The following GLRA2 variants were observed in gnomAD, a reference collection of about 807,000 sequenced individuals.
GLRA2 encodes glycine receptor alpha 2.
Under a neutral mutation model 31.6 loss-of-function variants are expected in GLRA2, and 11 were observed. That is an observed-to-expected ratio of 0.35 (90% CI 0.22 to 0.58). The LOEUF (loss-of-function observed/expected upper bound fraction) is 0.58. GLRA2 is among the 20% of genes least tolerant of loss of function. The pLI is 0.84. For missense variants in GLRA2, 212 were observed against 351.8 expected (o/e 0.60, Z 3.18); for synonymous variants, 132 against 134.0 (o/e 0.99, Z 0.10).
intron 8 of GLRA2, among the ~76,000 whole-genome samples, chrX:14,694,864 A>T (rs965804618): frequency 5.4e-5 from 6 of 111,908 alleles, no homozygotes. Flanking sequence ...GAGAAGATGA[A>T]TTGAATATGA....
At position 14,687,101 on chromosome X, in the gene GLRA2, T is replaced by C. The variant is rs190299240; in HGVS notation, c.931-3609T>C. 3.4e-3 allele frequency among the ~76,000 whole-genome samples: 387 copies of C among 112,288 alleles called. 2 individuals carry two copies. Among genetic ancestry groups the C allele is most frequent in the Non-Finnish European group, 6.5e-3 (346 of 53,272 alleles). On this transcript the variant is annotated intron_variant, in intron 7 of 8. Transcript: ENST00000218075. ...TGGATATGAAATTCTGGGTTGAAAA[T>C]TCTTTCCTTTAAGAATAGTGAATAT...
intron 7 of GLRA2, among the ~76,000 whole-genome samples, chrX:14,684,191 C>T (rs1305366294): frequency 9.0e-6 from 1 of 111,221 alleles, no homozygotes; most frequent in East Asian, 2.8e-4. Flanking sequence ...GTTTTGGTAC[C>T]AGTACCATGC....
At chrX:14,658,692 C>A (rs1233623926) in intron 7 of GLRA2, among the ~76,000 whole-genome samples, 1 of 111,702 alleles carries the variant, frequency 9.0e-6, no homozygotes, top group Non-Finnish European at 1.9e-5. Flanking sequence ...AGCTTCTTCA[C>A]ACTGGCAGTT....
intron 7 of GLRA2, among the ~76,000 whole-genome samples, chrX:14,674,636 G>A (rs2091125965): frequency 9.0e-6 from 1 of 111,731 alleles, no homozygotes; most frequent in Non-Finnish European, 1.9e-5. Flanking sequence ...AAATTCATTG[G>A]TCATTCACCT....
chrX:14,725,218 T>C (rs1383634458), intron 8 of GLRA2, among the ~76,000 whole-genome samples: 1 of 111,898 alleles, frequency 8.9e-6, no homozygotes, highest in Non-Finnish European at 1.9e-5. Flanking sequence ...CATTTATTAT[T>C]CATGTCTATT....
At chrX:14,585,065 T>A (rs1173126754) in intron 4 of GLRA2, among the ~76,000 whole-genome samples, 1 of 111,595 alleles carries the variant, frequency 9.0e-6, no homozygotes, top group East Asian at 2.8e-4. Context: ...ACAACTGTTT[T>A]GGATTAGGTG....
At chrX:14,512,496 T>A in the GLRA2 span, among the ~76,000 whole-genome samples, 1 of 111,733 alleles carries the variant, frequency 8.9e-6, no homozygotes, top group South Asian at 3.7e-4. Context: ...TGTTTGCTGA[T>A]GATATGATCA....
intron 8 of GLRA2, among the ~76,000 whole-genome samples, chrX:14,693,307 C>A (rs151151470): frequency 0.011 from 1,269 of 111,486 alleles, 13 homozygotes; most frequent in African/African-American, 0.038. Context: ...AAACACTAAC[C>A]AAATAAAGCC....
intron 2 of GLRA2, among the ~76,000 whole-genome samples, chrX:14,535,249 C>T (rs186855813): frequency 3.5e-4 from 39 of 112,078 alleles, no homozygotes; most frequent in Non-Finnish European, 6.4e-4. Flanking sequence ...CCTTGCTGCC[C>T]TGCATTGGCA....
At chrX:14,632,263 A>C (rs2090658837) in intron 7 of GLRA2, among the ~76,000 whole-genome samples, 2 of 110,858 alleles carry the variant, frequency 1.8e-5, no homozygotes, top group South Asian at 7.7e-4. Context: ...ATGGAGGGTA[A>C]ATGTGGTCCC....
chrX:14,585,665 A>G (rs1430207443), intron 4 of GLRA2, among the ~76,000 whole-genome samples: 2 of 111,785 alleles, frequency 1.8e-5, no homozygotes, highest in African/African-American at 6.5e-5. Context: ...CTCCCAGGAG[A>G]GGAAATCCAC....
At chrX:14,602,504 TG>T (rs778223133) in intron 4 of GLRA2, among the ~76,000 whole-genome samples, 41 of 110,693 alleles carry the variant, frequency 3.7e-4, no homozygotes, top group South Asian at 1.1e-3. Flanking sequence ...AGTGGTGATT[TG>T]TGAGATTTTG....
intron 8 of GLRA2, among the ~76,000 whole-genome samples, chrX:14,701,265 C>A (rs1162550692): frequency 9.0e-6 from 1 of 111,187 alleles, no homozygotes; most frequent in East Asian, 2.8e-4. Context: ...TATGTAGGGG[C>A]ATCAATGTGC....
chrX:14,518,608 A>G, the GLRA2 span, among the ~76,000 whole-genome samples: 1 of 111,444 alleles, frequency 9.0e-6, no homozygotes, highest in Non-Finnish European at 1.9e-5. Flanking sequence ...TTCTCATTCA[A>G]TTTATGTACT....
chrX:14,659,808 C>T (rs1275500941), intron 7 of GLRA2, among the ~76,000 whole-genome samples: 1 of 112,256 alleles, frequency 8.9e-6, no homozygotes, highest in Non-Finnish European at 1.9e-5. Flanking sequence ...CCTACTATCA[C>T]ATCCAATACT....
At chrX:14,555,114 A>C (rs1308807719) in intron 2 of GLRA2, among the ~76,000 whole-genome samples, 3 of 112,182 alleles carry the variant, frequency 2.7e-5, no homozygotes, top group East Asian at 2.8e-4. Flanking sequence ...TTTTCTTAAC[A>C]CTGTGTATAG....
intron 3 of GLRA2, among the ~76,000 whole-genome samples, chrX:14,575,011 TACACAC>T (rs764620233): frequency 9.4e-6 from 1 of 106,509 alleles, no homozygotes; most frequent in African/African-American, 3.4e-5. Flanking sequence ...ATTAGAAAAA[TACACAC>T]ACACACACAA....
chrX:14,565,965 A>G lies in GLRA2; in HGVS notation c.203-8368A>G, dbSNP rs2089799947. Among the ~76,000 whole-genome samples the G allele has an allele frequency of 3.6e-5, 4 of 111,978 alleles. No homozygotes were observed. The South Asian group carries it at 1.1e-3, about 31-fold the overall frequency. On this transcript the variant is annotated intron_variant, in intron 2 of 8. Transcript: ENST00000218075. ...CCAAAGTTATCAGAGAAAGTAAATA[A>G]TAAAGATTAGAGGGGAGGAAGACAG... is the stretch of plus-strand genomic sequence containing the variant.
rs909674177 is a variant in GLRA2 at position 14,665,137 on chromosome X, A to G, written c.931-25573A>G. ...CCTCAGTCCTTTTCTCCCTTTTGCA[A>G]TGAAAATTCCAATTAGGCCAGTCTC... On this transcript the variant is annotated intron_variant, in intron 7 of 8. Transcript: ENST00000218075. Among the ~76,000 whole-genome samples, 5 of 112,019 alleles carry G rather than the reference A, an allele frequency of 4.5e-5. No homozygotes were observed. In the East Asian group the frequency reaches 1.4e-3, roughly 31 times the overall value.
Sources: allele counts gnomAD v4.1 joint callset (sites outside exome capture counted in the v4.1 genomes callset), GRCh38; gene constraint gnomAD v4.1.1; transcripts MANE v1.5; gene names NCBI Gene and HGNC (gene_info 2026-07-23, HGNC 2026-07-21).